The following NXPE4 variants were observed in gnomAD, a reference collection of about 807,000 sequenced individuals.
NXPE4 encodes NXPE family member 4.
NXPE4 carries 42 observed loss-of-function variants against 33.3 expected under a neutral mutation model. The observed-to-expected ratio is 1.26, with a 90% confidence interval of 0.98 to 1.63. The LOEUF (loss-of-function observed/expected upper bound fraction) is 1.63, where lower values mean the gene tolerates loss of function less well. NXPE4 is among the 40% of genes most tolerant of loss of function. NXPE4 has a pLI of 0.00. For missense variants in NXPE4, 709 were observed against 647.6 expected (o/e 1.09, Z -1.03); for synonymous variants, 253 against 234.9 (o/e 1.08, Z -0.71).
chr11:114,667,354 A>G, the NXPE4 span, among the ~76,000 whole-genome samples: 1 of 152,186 alleles, frequency 6.6e-6, no homozygotes, highest in African/African-American at 2.4e-5. Context: ...CTAAAATGTC[A>G]ATTTGAAGCT....
At chr11:114,621,420 T>C in the NXPE4 span, among the ~76,000 whole-genome samples, 1 of 152,154 alleles carries the variant, frequency 6.6e-6, no homozygotes, top group Non-Finnish European at 1.5e-5. Flanking sequence ...CTGTGGATAA[T>C]AAGTATTGCC....
intron 5 of NXPE4, among the ~76,000 whole-genome samples, chr11:114,574,223 G>T (rs1199002343): frequency 6.6e-6 from 1 of 151,992 alleles, no homozygotes; most frequent in Non-Finnish European, 1.5e-5. Context: ...ATGTTAAGAG[G>T]AAAGTTCATA....
At chr11:114,660,695 G>A in the NXPE4 span, among the ~76,000 whole-genome samples, 1 of 151,820 alleles carries the variant, frequency 6.6e-6, no homozygotes, top group African/African-American at 2.4e-5. Flanking sequence ...CCAAGATAAG[G>A]AAAAAAATCA....
At chr11:114,651,821 C>T in the NXPE4 span, among the ~76,000 whole-genome samples, 5 of 152,152 alleles carry the variant, frequency 3.3e-5, no homozygotes, top group Non-Finnish European at 7.3e-5. Context: ...GGTGCATTTA[C>T]AATCCTTTAG....
the NXPE4 span, among the ~76,000 whole-genome samples, chr11:114,621,470 G>A: frequency 6.6e-6 from 1 of 152,076 alleles, no homozygotes. Flanking sequence ...AATAAGTATT[G>A]CCTCATGGGT....
chr11:114,647,506 T>C, the NXPE4 span, among the ~76,000 whole-genome samples: 2 of 152,172 alleles, frequency 1.3e-5, no homozygotes, highest in Non-Finnish European at 2.9e-5. Context: ...ACTAACTATG[T>C]AAGTTTCCTG....
At chr11:114,627,890 CTT>C in the NXPE4 span, among the ~76,000 whole-genome samples, 1 of 151,516 alleles carries the variant, frequency 6.6e-6, no homozygotes, top group African/African-American at 2.4e-5. Flanking sequence ...ATAAAACAGA[CTT>C]TAAACCAACA....
At chr11:114,672,846 T>A in the NXPE4 span, among the ~76,000 whole-genome samples, 978 of 151,586 alleles carry the variant, frequency 6.5e-3, 8 homozygotes, top group Non-Finnish European at 8.5e-3. Flanking sequence ...AAATAGACAA[T>A]TCAACAATAA....
the NXPE4 span, among the ~76,000 whole-genome samples, chr11:114,633,387 T>C: frequency 1.4e-5 from 2 of 144,836 alleles, no homozygotes; most frequent in African/African-American, 2.5e-5. Flanking sequence ...TGTATTATAT[T>C]ATATATTATA....
chr11:114,575,729 T>C (rs1948981777), intron 5 of NXPE4, among the ~76,000 whole-genome samples: 1 of 152,190 alleles, frequency 6.6e-6, no homozygotes, highest in Non-Finnish European at 1.5e-5. Context: ...ACACATCACA[T>C]GCTCATGGAT....
At chr11:114,663,042 C>A in the NXPE4 span, among the ~76,000 whole-genome samples, 1 of 152,120 alleles carries the variant, frequency 6.6e-6, no homozygotes, top group Non-Finnish European at 1.5e-5. Context: ...CATTTCTGGT[C>A]CTGCTCTGCA....
the NXPE4 span, among the ~76,000 whole-genome samples, chr11:114,625,121 A>T: frequency 2.0e-4 from 30 of 152,222 alleles, no homozygotes; most frequent in African/African-American, 7.2e-4. Context: ...CCTCATGGGT[A>T]ACCACTTCTA....
the NXPE4 span, among the ~76,000 whole-genome samples, chr11:114,632,938 T>A: frequency 2.0e-5 from 2 of 98,996 alleles, no homozygotes; most frequent in South Asian, 5.7e-4. Flanking sequence ...TATAATAATA[T>A]ATATTATATG....
At chr11:114,581,322 C>T (rs1472879616) in intron 4 of NXPE4, among the ~76,000 whole-genome samples, 1 of 152,238 alleles carries the variant, frequency 6.6e-6, no homozygotes, top group African/African-American at 2.4e-5. Flanking sequence ...AATAAACTGA[C>T]ACTCAGATGG....
chr11:114,603,590 A>C, the NXPE4 span, among the ~76,000 whole-genome samples: 1 of 150,740 alleles, frequency 6.6e-6, no homozygotes. Flanking sequence ...GGTAACTCCT[A>C]TTACCTGGTG....
At chr11:114,574,468 TAAG>T (rs1948955137) in intron 5 of NXPE4, among the ~76,000 whole-genome samples, 1 of 151,762 alleles carries the variant, frequency 6.6e-6, no homozygotes, top group African/African-American at 2.4e-5. Flanking sequence ...CAAGATTAAC[TAAG>T]AAGAGAGAAG....
the NXPE4 span, among the ~76,000 whole-genome samples, chr11:114,601,030 G>C: frequency 6.6e-6 from 1 of 151,892 alleles, no homozygotes; most frequent in Non-Finnish European, 1.5e-5. Context: ...AACATTTCAA[G>C]TTGCCATCTG....
the NXPE4 span, among the ~76,000 whole-genome samples, chr11:114,603,187 T>G: frequency 6.6e-6 from 1 of 151,956 alleles, no homozygotes; most frequent in Non-Finnish European, 1.5e-5. Context: ...GGATGATAAG[T>G]ATTGCCTCGT....
the NXPE4 span, among the ~76,000 whole-genome samples, chr11:114,620,518 C>A: frequency 6.6e-6 from 1 of 151,598 alleles, no homozygotes; most frequent in Non-Finnish European, 1.5e-5. Context: ...AGGGTAACCA[C>A]TTTAAGGCGG....
Sources: allele counts gnomAD v4.1 joint callset (sites outside exome capture counted in the v4.1 genomes callset), GRCh38; gene constraint gnomAD v4.1.1; transcripts MANE v1.5; gene names NCBI Gene and HGNC (gene_info 2026-07-23, HGNC 2026-07-21).